LAYN: variants seen among roughly 807,000 people sequenced by gnomAD.
LAYN encodes layilin.
In LAYN, 38 loss-of-function variants were observed where a neutral mutation model predicts 43.6. The observed-to-expected ratio is 0.87, with a 90% confidence interval of 0.67 to 1.14. The LOEUF (loss-of-function observed/expected upper bound fraction) is 1.14. Among genes scored for constraint, LAYN ranks in the 50% most tolerant of loss-of-function variants. The probability of loss-of-function intolerance (pLI) is 0.00; values close to 1 mark genes in which losing one functional copy is unlikely to be tolerated. For synonymous variants in LAYN, 168 were observed against 172.9 expected (o/e 0.97, Z 0.22); for missense variants, 479 against 463.8 (o/e 1.03, Z -0.30).
At chr11:111,554,539 T>A in intron 3 of LAYN, 22 bp from the exon 4 acceptor site, 1 of 1,600,042 alleles carries the variant, frequency 6.2e-7, no homozygotes, top group Non-Finnish European at 8.5e-7. Flanking sequence ...CTTATTTTTG[T>A]TTTTGTTTCT....
In LAYN at chr11:111,557,603, G is replaced by C; in HGVS notation, c.721G>C (p.Val241Leu). The C allele has an allele frequency of 1.9e-6, 3 of 1,614,090 alleles. No homozygotes were observed. Among genetic ancestry groups the C allele is most frequent in the Non-Finnish European group, 2.5e-6 (3 of 1,180,002 alleles). ...CATTCCCCTTCTCCTCCTCCTTGTG[G>C]TCACCACAGTTGTATGTTGGGTTTG... is the stretch of plus-strand genomic sequence containing the variant. ...PSIPLLLLLV[V>L]TTVVCWVWIC... The change falls in exon 6 of 7, where the codon GTC (valine) becomes CTC (leucine). Residue 241 changes from valine to leucine, a missense_variant. Coordinates refer to ENST00000375614, the MANE Select transcript of LAYN (RefSeq NM_178834.5).
rs1867946939 is a variant in LAYN at position 111,560,989 on chromosome 11, T to C, written c.*531T>C. ...AGTGTTAGTCTGTGTCTACAGCCCT[T>C]CCTCTGCATGTGGCCACAGGGGACC... On this transcript the variant is annotated 3_prime_UTR_variant, in exon 7 of 7. Transcript: ENST00000375614. 6.5e-6 allele frequency: 1 copy of C among 152,766 alleles called. No individual in the cohort carries two copies. Among genetic ancestry groups the C allele is most frequent in the Non-Finnish European group, 1.5e-5 (1 of 68,152 alleles). The allele number at this position is 152,766 out of a possible 1,614,324, so 9.5% of individuals were successfully genotyped here. A position where few individuals can be genotyped will look rare whatever the true frequency, so the allele number is the denominator to read the frequency against.
chr11:111,553,712 C>CTA (rs1491150336), intron 3 of LAYN, among the ~76,000 whole-genome samples: 1 of 92,596 alleles, frequency 1.1e-5, no homozygotes, highest in East Asian at 2.4e-4. Context: ...TTTACATCAC[C>CTA]TATACACACA....
At position 111,542,971 on chromosome 11, in the gene LAYN, T is replaced by A. The variant is rs182465064; in HGVS notation, c.86-952T>A. Among the ~76,000 whole-genome samples the A allele has an allele frequency of 1.6e-3, 247 of 152,334 alleles. 2 individuals carry two copies. Among genetic ancestry groups the A allele is most frequent in the African/African-American group, 5.7e-3 (238 of 41,570 alleles). ...AGCAGTGTGTACTGTGAGCGATTTGTTATTGGCTCCTCAGTAAAATCCCAT... is the reference window on the plus strand; with the variant it reads ...AGCAGTGTGTACTGTGAGCGATTTGATATTGGCTCCTCAGTAAAATCCCAT... On this transcript the variant is annotated intron_variant, in intron 1 of 6. Transcript: ENST00000375614.
At chr11:111,558,060 C>A (rs2135805054) in intron 6 of LAYN, among the ~76,000 whole-genome samples, 2 of 152,252 alleles carry the variant, frequency 1.3e-5, no homozygotes, top group Middle Eastern at 6.8e-3. Flanking sequence ...TGAAACTAAA[C>A]CACTTAATTC....
chr11:111,558,434 A>T (rs2135805368), intron 6 of LAYN, among the ~76,000 whole-genome samples: 1 of 152,320 alleles, frequency 6.6e-6, no homozygotes, highest in South Asian at 2.1e-4. Flanking sequence ...TATTATAAGG[A>T]TTAAGGCAGT....
Position 111,540,784 on chromosome 11 carries a change from C to A in LAYN, c.-60C>A. 6.8e-7 allele frequency: 1 copy of A among 1,477,228 alleles called. No homozygotes were observed. Among genetic ancestry groups the A allele is most frequent in the Non-Finnish European group, 9.0e-7 (1 of 1,113,166 alleles). 91.5% of individuals were successfully genotyped at this position (1,477,228 alleles called of 1,614,324 possible). A position where few individuals can be genotyped will look rare whatever the true frequency, so the allele number is the denominator to read the frequency against. On this transcript the variant is annotated 5_prime_UTR_variant, in exon 1 of 7. Transcript: ENST00000375614. The stretch of plus-strand genomic sequence containing the variant: ...TTGCAGTTGTCGCGCACGCCTCTGC[C>A]CGCCAGCCCGCTCCACCGCCGTAGC...
At chr11:111,551,897 T>TA (rs1413903192) in intron 3 of LAYN, among the ~76,000 whole-genome samples, 1 of 152,202 alleles carries the variant, frequency 6.6e-6, no homozygotes, top group East Asian at 1.9e-4. Flanking sequence ...GTACTGTGGT[T>TA]ATACATGAAA....
chr11:111,560,418 A>G lies in LAYN; in HGVS notation c.1085A>G (p.Lys362Arg), dbSNP rs1011699168. ...TCCCCAGACCAAATGGGGAGGAGTA[A>G]GGAGTCTGGATGGGTGGAAAATGAA... ...EFSPDQMGRS[K>R]ESGWVENEIY... Residue 362 changes from lysine to arginine, a missense_variant, in exon 7 of 7, where the codon AAG becomes AGG. Physicochemically the swap from Lys to Arg is conservative, Grantham distance 26. Coordinates refer to ENST00000375614, the MANE Select transcript of LAYN (RefSeq NM_178834.5). 7 of 1,614,016 alleles carry G rather than the reference A, an allele frequency of 4.3e-6. No individual in the cohort carries two copies. In the Admixed American group the frequency reaches 6.7e-5, roughly 15 times the overall value.
Position 111,560,501 on chromosome 11 carries a change from A to G in LAYN, c.*43A>G. The G allele has an allele frequency of 2.6e-6, 4 of 1,560,950 alleles. No homozygotes were observed. Among genetic ancestry groups the G allele is most frequent in the Non-Finnish European group, 2.6e-6 (3 of 1,151,710 alleles). On this transcript the variant is annotated 3_prime_UTR_variant, in exon 7 of 7. Coordinates refer to ENST00000375614, the MANE Select transcript of LAYN (RefSeq NM_178834.5). ...AACTGACAACAATGGAAAAGAAATG[A>G]TAAGCAAAATCCTCTTATTTTCTAT... is the stretch of plus-strand genomic sequence containing the variant.
intron 2 of LAYN, among the ~76,000 whole-genome samples, 163 bp from the exon 3 acceptor site, chr11:111,549,455 G>A (rs1458642224): frequency 8.5e-5 from 13 of 152,286 alleles, no homozygotes; most frequent in Admixed American, 6.5e-4. Context: ...AATGCGTGTG[G>A]TTCTGCTTAC....
chr11:111,547,230 A>G (rs1867664372), intron 2 of LAYN, among the ~76,000 whole-genome samples: 2 of 152,226 alleles, frequency 1.3e-5, no homozygotes, highest in African/African-American at 4.8e-5. Context: ...TATTCCCTAG[A>G]TCACTAGACA....
chr11:111,541,788 G>A (rs892139713), intron 1 of LAYN, among the ~76,000 whole-genome samples: 2 of 152,100 alleles, frequency 1.3e-5, no homozygotes, highest in Non-Finnish European at 2.9e-5. Context: ...ATGGGGGCGG[G>A]GCGGCAAAAG....
chr11:111,541,520 G>A (rs1266848469), intron 1 of LAYN: 2 of 1,533,880 alleles, frequency 1.3e-6, no homozygotes, highest in Admixed American at 3.9e-5. Flanking sequence ...CTGACTCCGG[G>A]GAATGACTCT....
At chr11:111,541,219 TG>T (rs1291772062) in intron 1 of LAYN, 8 of 590,874 alleles carry the variant, frequency 1.4e-5, no homozygotes, top group Non-Finnish European at 2.1e-5. Flanking sequence ...GGTGGGGCAG[TG>T]GGCAAACCTG....
At chr11:111,547,332 G>C (rs1173948656) in intron 2 of LAYN, among the ~76,000 whole-genome samples, 2 of 152,184 alleles carry the variant, frequency 1.3e-5, no homozygotes, top group African/African-American at 4.8e-5. Flanking sequence ...AAGGCATCCA[G>C]TGTACTAACC....
chr11:111,549,733 C>T lies in LAYN; in HGVS notation c.499C>T (p.Arg167Trp), dbSNP rs775256078. 3.6e-5 allele frequency: 58 copies of T among 1,606,056 alleles called. No homozygotes were observed. Among genetic ancestry groups the T allele is most frequent in the East Asian group, 4.5e-5 (2 of 44,246 alleles). ...CTACATGTTCCAGTGGAATGATGACCGGTGCAACATGAAGAACAATTTCAT... is the reference window on the plus strand; with the variant it reads ...CTACATGTTCCAGTGGAATGATGACTGGTGCAACATGAAGAACAATTTCAT... ...GPYMFQWNDD[R>W]CNMKNNFICK... Residue 167 changes from arginine (R) to tryptophan (W), a missense_variant, in exon 3 of 7, where the codon CGG becomes TGG. By Grantham distance (101) the Arg-to-Trp change is moderately radical. Coordinates refer to ENST00000375614, the MANE Select transcript of LAYN (RefSeq NM_178834.5).
intron 3 of LAYN, among the ~76,000 whole-genome samples, chr11:111,552,722 T>G (rs1375334283): frequency 1.3e-5 from 2 of 152,264 alleles, no homozygotes; most frequent in East Asian, 3.8e-4. Context: ...ATAGATCATG[T>G]GTTGAACAGA....
At chr11:111,541,222 G>A in intron 1 of LAYN, 2 of 591,740 alleles carry the variant, frequency 3.4e-6, no homozygotes, top group Non-Finnish European at 6.0e-6. Flanking sequence ...GGGGCAGTGG[G>A]CAAACCTGCC....
Sources: gnomAD v4.1 joint callset for allele counts (sites outside exome capture counted in the v4.1 genomes callset) on GRCh38, gnomAD v4.1.1 for gene constraint, MANE v1.5 for transcripts, NCBI Gene and HGNC (gene_info 2026-07-23, HGNC 2026-07-21) for gene names.